The following COL15A1 variants were observed in gnomAD, a reference collection of about 807,000 sequenced individuals.
COL15A1 encodes collagen type XV alpha 1 chain.
A neutral mutation model predicts 165.9 loss-of-function variants in COL15A1; 111 were observed. The observed-to-expected ratio is 0.67, with a 90% CI of 0.57 to 0.78. The LOEUF is 0.78. Among genes scored for constraint, COL15A1 ranks in the 30% least tolerant of loss-of-function variants. The pLI, the probability that COL15A1 is intolerant of heterozygous loss-of-function variation, is 0.00. For missense variants in COL15A1, 1,745 were observed against 1,789.7 expected, an observed-to-expected ratio of 0.98 and a Z score of 0.45; for synonymous variants, 659 against 674.8, an observed-to-expected ratio of 0.98 and a Z score of 0.36.
In COL15A1 at chr9:98,987,314, C is replaced by T. The variant is rs775336044; in HGVS notation, c.669C>T (p.Thr223=). ...CCCAGGGCTCCCTCCAGCAGCTCAC[C>T]GTGCACCCCGACCCCAGGACTCCCG... is the stretch of plus-strand genomic sequence containing the variant. ...ERFTGSLQQL[T]VHPDPRTPEE... Residue 223 remains threonine, a synonymous_variant, in exon 4 of 42, where the codon ACC becomes ACT. Coordinates refer to ENST00000375001, the MANE Select transcript of COL15A1 (RefSeq NM_001855.5). 1.9e-5 allele frequency: 31 copies of T among 1,613,416 alleles called. No homozygotes were observed. Among genetic ancestry groups the T allele is most frequent in the African/African-American group, 6.7e-5 (5 of 74,884 alleles).
intron 14 of COL15A1, 76 bp from the exon 15 acceptor site, chr9:99,024,798 A>G (rs1486594105): frequency 1.3e-6 from 2 of 1,496,804 alleles, no homozygotes; most frequent in African/African-American, 2.8e-5. Context: ...AGAATTTGAG[A>G]GATTGCATGA....
chr9:98,946,895 C>A (rs992579578), intron 2 of COL15A1, among the ~76,000 whole-genome samples: 1 of 152,216 alleles, frequency 6.6e-6, no homozygotes, highest in Non-Finnish European at 1.5e-5. Context: ...GTACTTGTAA[C>A]CACTATGCTG....
chr9:98,944,279 G>C (rs1837537877), intron 2 of COL15A1, 29 bp downstream of exon 2: 3 of 1,604,438 alleles, frequency 1.9e-6, no homozygotes, highest in Admixed American at 1.7e-5. Context: ...GGGTGGCACC[G>C]GCTGCCTCCG....
At position 99,061,964 on chromosome 9, in the gene COL15A1, C is replaced by A. The variant is rs1241905411; in HGVS notation, c.3403-7C>A. 1.2e-6 allele frequency: 2 copies of A among 1,608,896 alleles called. No individual in the cohort carries two copies. Among genetic ancestry groups the A allele is most frequent in the Non-Finnish European group, 1.7e-6 (2 of 1,178,312 alleles). ...TGGCAGTGTTTGGAATTTAAATGATCTGACAGGTCACAGCATTCAGCAACA... is the reference window on the plus strand; with the variant it reads ...TGGCAGTGTTTGGAATTTAAATGATATGACAGGTCACAGCATTCAGCAACA... On this transcript the variant is annotated splice_polypyrimidine_tract_variant and splice_region_variant and intron_variant, in intron 36 of 41. Coordinates refer to ENST00000375001, the MANE Select transcript of COL15A1 (RefSeq NM_001855.5).
At chr9:99,038,554 C>T in intron 21 of COL15A1, 114 bp from the exon 22 acceptor site, 1 of 674,888 alleles carries the variant, frequency 1.5e-6, no homozygotes, top group Non-Finnish European at 2.7e-6. Context: ...AGGGCGTTCT[C>T]AGTGTCTGCG....
At chr9:98,994,850 C>T (rs1273562029) in intron 5 of COL15A1, among the ~76,000 whole-genome samples, 1 of 152,108 alleles carries the variant, frequency 6.6e-6, no homozygotes, top group Admixed American at 6.5e-5. Flanking sequence ...TGAGGCAGGT[C>T]CCCTTACCCT....
rs1318867656 is a variant in COL15A1 at position 99,052,421 on chromosome 9, A to G, written c.2938A>G (p.Ile980Val). The change falls in exon 31 of 42, where the codon ATC (isoleucine) becomes GTC (valine). Residue 980 changes from isoleucine to valine, a missense_variant. Transcript: ENST00000375001. Reference protein sequence around the residue: ...DTAHPGSPELITFHGVKGEKG... With the variant: ...DTAHPGSPELVTFHGVKGEKG... ...TGCTCATCCTGGGAGTCCAGAGCTC[A>G]TCACTTTTCACGGTATACACTCCCT... is the stretch of plus-strand genomic sequence containing the variant. The G allele has an allele frequency of 2.5e-6, 4 of 1,610,786 alleles. No homozygotes were observed. In the South Asian group the frequency reaches 4.4e-5, roughly 18 times the overall value.
intron 6 of COL15A1, among the ~76,000 whole-genome samples, chr9:98,999,869 T>C (rs1380673358): frequency 6.6e-6 from 1 of 151,286 alleles, no homozygotes; most frequent in Non-Finnish European, 1.5e-5. Flanking sequence ...TTTTTTTTTT[T>C]TTTGAGATGG....
chr9:99,050,847 G>A (rs1381093462), intron 30 of COL15A1, among the ~76,000 whole-genome samples: 1 of 152,146 alleles, frequency 6.6e-6, no homozygotes, highest in Non-Finnish European at 1.5e-5. Flanking sequence ...TCAAAATGAC[G>A]CAGTTTGGCC....
chr9:98,960,097 C>T (rs1435635005), intron 2 of COL15A1, among the ~76,000 whole-genome samples: 3 of 152,154 alleles, frequency 2.0e-5, no homozygotes, highest in Non-Finnish European at 4.4e-5. Flanking sequence ...TGGGCATCAT[C>T]CAGGAGCTCA....
At chr9:99,056,198 T>C in intron 34 of COL15A1, 62 bp from the exon 35 acceptor site, 1 of 1,470,846 alleles carries the variant, frequency 6.8e-7, no homozygotes, top group Admixed American at 1.7e-5. Context: ...ATAAAAGGAC[T>C]AGATGGGACT....
intron 14 of COL15A1, among the ~76,000 whole-genome samples, chr9:99,024,007 T>C (rs1022011666): frequency 1.3e-5 from 2 of 152,182 alleles, no homozygotes; most frequent in Non-Finnish European, 2.9e-5. Flanking sequence ...AATTGCCCCC[T>C]GGGGAGCTTC....
At chr9:99,044,490 G>A in intron 24 of COL15A1, 78 bp from the exon 25 acceptor site, 1 of 1,298,492 alleles carries the variant, frequency 7.7e-7, no homozygotes, top group Non-Finnish European at 1.1e-6. Flanking sequence ...GTGGCAAGGA[G>A]GAGTCTCTGT....
At chr9:98,968,426 C>T (rs1837991560) in intron 2 of COL15A1, among the ~76,000 whole-genome samples, 1 of 152,190 alleles carries the variant, frequency 6.6e-6, no homozygotes, top group South Asian at 2.1e-4. Context: ...GGAATCCATT[C>T]CTTGCCACTT....
chr9:98,969,419 C>T (rs1326162610), intron 2 of COL15A1, among the ~76,000 whole-genome samples: 2 of 152,172 alleles, frequency 1.3e-5, no homozygotes, highest in South Asian at 2.1e-4. Context: ...TCCAAAGTTG[C>T]CCATCTTTTA....
At chr9:98,961,621 C>T (rs913182682) in intron 2 of COL15A1, among the ~76,000 whole-genome samples, 13 of 152,178 alleles carry the variant, frequency 8.5e-5, no homozygotes, top group African/African-American at 2.7e-4. Flanking sequence ...GCAGGGCCTT[C>T]GCCCAGGAGC....
chr9:99,034,732 C>A, intron 17 of COL15A1, 148 bp downstream of exon 17: 2 of 1,404,104 alleles, frequency 1.4e-6, no homozygotes, highest in Non-Finnish European at 1.9e-6. Flanking sequence ...AGGAATTGCT[C>A]AGAGAAGGCA....
chr9:99,065,741 G>A (rs556819860), intron 39 of COL15A1, among the ~76,000 whole-genome samples: 2 of 150,352 alleles, frequency 1.3e-5, no homozygotes, highest in East Asian at 3.9e-4. Flanking sequence ...CAGCCTTGGG[G>A]TCTGTCCTCT....
chr9:99,040,809 G>A, intron 23 of COL15A1: 1 of 554,156 alleles, frequency 1.8e-6, no homozygotes, highest in East Asian at 3.1e-5. Flanking sequence ...ATGAGCCCCT[G>A]AGCCTGGCTG....
Sources: gnomAD v4.1 joint callset for allele counts (sites outside exome capture counted in the v4.1 genomes callset) on GRCh38, gnomAD v4.1.1 for gene constraint, MANE v1.5 for transcripts, NCBI Gene and HGNC (gene_info 2026-07-23, HGNC 2026-07-21) for gene names.